The following STK38L variants were observed in gnomAD, a reference collection of about 807,000 sequenced individuals.
STK38L encodes serine/threonine kinase 38 like.
A neutral mutation model predicts 59.7 loss-of-function variants in STK38L; 28 were observed. The observed-to-expected ratio is 0.47, with a 90% CI of 0.35 to 0.64. The LOEUF (loss-of-function observed/expected upper bound fraction) is 0.64, where lower values mean the gene tolerates loss of function less well. Ranked by LOEUF, STK38L falls within the 30% of genes least tolerant of loss-of-function variation. STK38L has a pLI of 0.01. For missense variants in STK38L, 314 were observed against 555.8 expected, an observed-to-expected ratio of 0.56 and a Z score of 4.37; for synonymous variants, 162 against 176.8, an observed-to-expected ratio of 0.92 and a Z score of 0.66.
chr12:27,274,267 A>G (rs1265093780), intron 1 of STK38L, among the ~76,000 whole-genome samples: 1 of 151,562 alleles, frequency 6.6e-6, no homozygotes, highest in African/African-American at 2.4e-5. Flanking sequence ...TTTGGAGCTC[A>G]GATAAAAGAC....
At chr12:27,310,252 T>A (rs988474773) in intron 5 of STK38L, among the ~76,000 whole-genome samples, 13 of 152,026 alleles carry the variant, frequency 8.6e-5, no homozygotes, top group African/African-American at 2.9e-4. Context: ...GCAAGGAAGG[T>A]TGAGATACTG....
chr12:27,321,682 TG>T (rs1944731466), intron 12 of STK38L, among the ~76,000 whole-genome samples: 1 of 152,138 alleles, frequency 6.6e-6, no homozygotes, highest in Admixed American at 6.6e-5. Context: ...AGATGCTTAA[TG>T]GATACAAAAA....
chr12:27,309,274 T>A (rs1944403786), intron 5 of STK38L, 77 bp downstream of exon 5: 1 of 1,094,390 alleles, frequency 9.1e-7, no homozygotes, highest in Non-Finnish European at 1.3e-6. Context: ...TTAGAATTTT[T>A]AAGAAGCAGT....
At chr12:27,299,565 A>G (rs1944112771) in intron 2 of STK38L, among the ~76,000 whole-genome samples, 1 of 152,218 alleles carries the variant, frequency 6.6e-6, no homozygotes, top group Non-Finnish European at 1.5e-5. Flanking sequence ...AATAATAGCG[A>G]TAATATCTTA....
intron 1 of STK38L, among the ~76,000 whole-genome samples, chr12:27,275,783 A>G (rs1230768400): frequency 4.6e-5 from 7 of 152,222 alleles, no homozygotes; most frequent in Admixed American, 4.6e-4. Flanking sequence ...ATACTCCCAT[A>G]TGGTCACAGT....
intron 1 of STK38L, among the ~76,000 whole-genome samples, chr12:27,281,591 T>C (rs559291496): frequency 2.0e-5 from 3 of 152,306 alleles, no homozygotes; most frequent in African/African-American, 7.2e-5. Flanking sequence ...GAAGATTACA[T>C]AAGATAATGC....
intron 1 of STK38L, among the ~76,000 whole-genome samples, chr12:27,264,192 C>A (rs936793723): frequency 1.3e-5 from 2 of 152,084 alleles, no homozygotes; most frequent in African/African-American, 4.8e-5. Flanking sequence ...GTTTTTGAGC[C>A]AATGAATGAC....
intron 1 of STK38L, 70 bp from the exon 2 acceptor site, chr12:27,297,640 T>C: frequency 2.0e-6 from 3 of 1,488,346 alleles, no homozygotes. Flanking sequence ...ATTGAACATT[T>C]TCAGAGTTTA....
At position 27,319,414 on chromosome 12, in the gene STK38L, A is replaced by C; in HGVS notation, c.1166A>C (p.Glu389Ala). 2 of 1,612,778 alleles carry C rather than the reference A, an allele frequency of 1.2e-6. No individual in the cohort carries two copies. The highest frequency in any genetic ancestry group is 2.2e-5 in the South Asian group (2 of 91,014). ...GHPFFEGVDW[E>A]HIRERPAAIP... ...CCCTTTTTTGAAGGTGTCGACTGGGAGCACATAAGGTATGTTCCTAGGCTT... is the reference window on the plus strand; with the variant it reads ...CCCTTTTTTGAAGGTGTCGACTGGGCGCACATAAGGTATGTTCCTAGGCTT... Residue 389 changes from glutamate (E) to alanine (A), a missense_variant, in exon 12 of 14, where the codon GAG (glutamate) becomes GCG (alanine). Coordinates refer to ENST00000389032, the MANE Select transcript of STK38L (RefSeq NM_015000.4).
intron 1 of STK38L, among the ~76,000 whole-genome samples, chr12:27,287,824 CTCTTCCCATAATCTATGAT>C (rs752426920): frequency 5.3e-5 from 8 of 152,280 alleles, no homozygotes; most frequent in Non-Finnish European, 1.2e-4. Flanking sequence ...TCCTCTTCTC[CTCTTCCCATAATCTATGAT>C]TATGTTGCCT....
chr12:27,281,726 G>A (rs1267221404), intron 1 of STK38L, among the ~76,000 whole-genome samples: 2 of 152,090 alleles, frequency 1.3e-5, no homozygotes, highest in African/African-American at 4.8e-5. Context: ...TCTAAGCTGG[G>A]AAATTTTCTG....
At chr12:27,275,494 C>T (rs1341184050) in intron 1 of STK38L, among the ~76,000 whole-genome samples, 4 of 152,036 alleles carry the variant, frequency 2.6e-5, no homozygotes, top group Admixed American at 6.6e-5. Flanking sequence ...CCTGCCACCA[C>T]GCCTGGCTAA....
rs544504400 is a variant in STK38L, at chr12:27,269,831, CGTT to C, written c.-12+25503_-12+25505del. Among the ~76,000 whole-genome samples the C allele has an allele frequency of 8.7e-4, 133 of 152,142 alleles. 2 individuals carry two copies. The East Asian group carries it at 0.023, about 27-fold the overall frequency. On this transcript the variant is annotated intron_variant, in intron 1 of 13. Coordinates refer to ENST00000389032, the MANE Select transcript of STK38L (RefSeq NM_015000.4). Reference sequence around the variant, plus strand: ...CTGATTTTTGTATTTTTAGTAGAGACGTTGTTTCGCCATGTTGGCCAGGCTGGT... The same window carrying C: ...CTGATTTTTGTATTTTTAGTAGAGACGTTTCGCCATGTTGGCCAGGCTGGT...
chr12:27,278,153 G>A (rs1358179702), intron 1 of STK38L, among the ~76,000 whole-genome samples: 1 of 152,180 alleles, frequency 6.6e-6, no homozygotes, highest in Admixed American at 6.5e-5. Flanking sequence ...GCTTGCTTAT[G>A]GGATCTTTGC....
intron 12 of STK38L, among the ~76,000 whole-genome samples, chr12:27,321,847 T>G (rs1477022684): frequency 6.6e-6 from 1 of 152,202 alleles, no homozygotes; most frequent in African/African-American, 2.4e-5. Flanking sequence ...CACGATGTGC[T>G]TATTACCCAT....
chr12:27,247,459 C>G (rs1942879092), intron 1 of STK38L, among the ~76,000 whole-genome samples: 1 of 152,100 alleles, frequency 6.6e-6, no homozygotes, highest in African/African-American at 2.4e-5. Context: ...GAAAGAGTTC[C>G]AAAATAACAC....
At chr12:27,261,004 T>G (rs534430010) in intron 1 of STK38L, among the ~76,000 whole-genome samples, 1 of 152,354 alleles carries the variant, frequency 6.6e-6, no homozygotes, top group Admixed American at 6.5e-5. Flanking sequence ...CTGAACATTT[T>G]GTAATTTTTG....
At chr12:27,291,735 G>T (rs916680066) in intron 1 of STK38L, among the ~76,000 whole-genome samples, 3 of 152,224 alleles carry the variant, frequency 2.0e-5, no homozygotes, top group African/African-American at 7.2e-5. Flanking sequence ...GTAGCCTAGG[G>T]CATTATGATT....
At chr12:27,285,685 C>T (rs1273559279) in intron 1 of STK38L, among the ~76,000 whole-genome samples, 1 of 152,200 alleles carries the variant, frequency 6.6e-6, no homozygotes, top group Non-Finnish European at 1.5e-5. Context: ...ACCAAACCTT[C>T]ACTTTTTAGC....
Sources: allele counts gnomAD v4.1 joint callset (sites outside exome capture counted in the v4.1 genomes callset), GRCh38; gene constraint gnomAD v4.1.1; transcripts MANE v1.5; gene names NCBI Gene and HGNC (gene_info 2026-07-23, HGNC 2026-07-21).